NEK4: variants seen among roughly 807,000 people sequenced by gnomAD.
The protein encoded by NEK4 is serine/threonine-protein kinase Nek4.
In NEK4, 86 loss-of-function variants were observed where a neutral mutation model predicts 98.4. The ratio of observed to expected loss-of-function variants is 0.87; its 90% CI spans 0.73 to 1.05. The LOEUF (loss-of-function observed/expected upper bound fraction) is 1.05. NEK4 is among the 50% of genes least tolerant of loss of function. The probability of loss-of-function intolerance (pLI) is 0.00; values close to 1 mark genes in which losing one functional copy is unlikely to be tolerated. For missense variants in NEK4, 898 were observed against 950.3 expected (o/e 0.94, Z 0.72); for synonymous variants, 328 against 342.2 (o/e 0.96, Z 0.46).
chr3:52,730,702 T>C (rs1214587562), intron 15 of NEK4, among the ~76,000 whole-genome samples: 3 of 152,228 alleles, frequency 2.0e-5, no homozygotes, highest in Non-Finnish European at 4.4e-5. Context: ...GAAGACTTTA[T>C]GCAGGATTGG....
Position 52,711,703 on chromosome 3 carries a change from G to C in NEK4, c.*74C>G. Reference sequence around the variant, plus strand: ...AGTGGTGAGTGGCTTCCAAATGACTGTTTGCCCTTGCTTTTTAAGCCAAAA... The same window carrying C: ...AGTGGTGAGTGGCTTCCAAATGACTCTTTGCCCTTGCTTTTTAAGCCAAAA... On this transcript the variant is annotated 3_prime_UTR_variant, in exon 16 of 16. Coordinates refer to ENST00000233027, the MANE Select transcript of NEK4 (RefSeq NM_003157.6). The C allele has an allele frequency of 2.3e-6, 2 of 875,890 alleles. No individual in the cohort carries two copies. The highest frequency in any genetic ancestry group is 1.9e-6 in the Non-Finnish European group (1 of 519,230). The allele number at this position is 875,890 out of a possible 1,614,324, so 54.3% of individuals were successfully genotyped here.
chr3:52,738,461 G>C (rs1405201105), intron 14 of NEK4, among the ~76,000 whole-genome samples: 1 of 110,560 alleles, frequency 9.0e-6, no homozygotes, highest in Non-Finnish European at 2.0e-5. Context: ...CATTTCATCT[G>C]ATTTTTTGAG....
At chr3:52,718,247 T>C (rs1578618175) in intron 15 of NEK4, among the ~76,000 whole-genome samples, 1 of 151,598 alleles carries the variant, frequency 6.6e-6, no homozygotes, top group Admixed American at 6.6e-5. Context: ...CCGAGGCAGG[T>C]TGATCACCTA....
intron 1 of NEK4, among the ~76,000 whole-genome samples, chr3:52,769,385 T>C (rs765762302): frequency 1.3e-5 from 2 of 152,222 alleles, no homozygotes; most frequent in Non-Finnish European, 2.9e-5. Context: ...TCACTGATCT[T>C]CAGCATACAA....
chr3:52,746,005 G>A lies in NEK4; in HGVS notation c.1827+56C>T, dbSNP rs1036299020. 2.4e-5 allele frequency: 36 copies of A among 1,529,374 alleles called. No homozygotes were observed. The Admixed American group carries it at 4.7e-4, about 20-fold the overall frequency. The allele number at this position is 1,529,374 out of a possible 1,614,324, so 94.7% of individuals were successfully genotyped here. A position where few individuals can be genotyped will look rare whatever the true frequency, so the allele number is the denominator to read the frequency against. ...CCCAAAGTGCTGGGATTACATGCAT[G>A]ATACACCACGTCTGGTTATAAGGTT... is the stretch of plus-strand genomic sequence containing the variant. On this transcript the variant is annotated intron_variant, in intron 10 of 15. Transcript: ENST00000233027.
intron 7 of NEK4, 109 bp from the exon 8 acceptor site, chr3:52,749,938 T>C (rs2097402371): frequency 1.3e-5 from 2 of 153,314 alleles, no homozygotes; most frequent in South Asian, 2.0e-4. Flanking sequence ...TTCAAAACAA[T>C]GAACAGTAAC....
chr3:52,762,998 A>T (rs948786176), intron 5 of NEK4, among the ~76,000 whole-genome samples: 3 of 152,230 alleles, frequency 2.0e-5, no homozygotes, highest in Admixed American at 6.5e-5. Context: ...TACCAGAAGG[A>T]AAGTAACATT....
chr3:52,718,373 T>C (rs970526142), intron 15 of NEK4, among the ~76,000 whole-genome samples: 14 of 146,790 alleles, frequency 9.5e-5, no homozygotes, highest in African/African-American at 3.6e-4. Flanking sequence ...CTCGGTAGGA[T>C]GAGGCAGGAG....
intron 6 of NEK4, among the ~76,000 whole-genome samples, chr3:52,755,497 T>A (rs1208360578): frequency 6.6e-6 from 1 of 151,682 alleles, no homozygotes; most frequent in Non-Finnish European, 1.5e-5. Flanking sequence ...CTTTTCATGA[T>A]TAAAAAAAAA....
At chr3:52,733,434 G>A (rs2097371857) in intron 15 of NEK4, 3 of 387,826 alleles carry the variant, frequency 7.7e-6, no homozygotes, top group South Asian at 6.6e-5. Flanking sequence ...ATCCATTCTG[G>A]AGAAAAACCT....
At chr3:52,731,939 T>C (rs533273880) in intron 15 of NEK4, among the ~76,000 whole-genome samples, 5 of 152,360 alleles carry the variant, frequency 3.3e-5, no homozygotes, top group Non-Finnish European at 5.9e-5. Context: ...TCACGAGATC[T>C]GACGGTTTTA....
At chr3:52,736,588 A>T (rs1018117877) in intron 15 of NEK4, among the ~76,000 whole-genome samples, 1 of 135,250 alleles carries the variant, frequency 7.4e-6, no homozygotes, top group African/African-American at 2.6e-5. Flanking sequence ...TCCGTCTCAT[A>T]AAAAAAAAAA....
intron 7 of NEK4, among the ~76,000 whole-genome samples, 157 bp from the exon 8 acceptor site, chr3:52,749,986 T>C (rs2097402438): frequency 6.6e-6 from 1 of 152,230 alleles, no homozygotes; most frequent in Admixed American, 6.5e-5. Context: ...GGAACCCTCA[T>C]ATATTGCTGG....
intron 6 of NEK4, chr3:52,753,707 A>C (rs1465186769): frequency 5.2e-6 from 3 of 574,336 alleles, no homozygotes; most frequent in African/African-American, 1.9e-5. Flanking sequence ...AGCACAGTCA[A>C]CAAATGGCAT....
chr3:52,763,488 A>G lies in NEK4; in HGVS notation c.803T>C (p.Phe268Ser), dbSNP rs748487681. The G allele has an allele frequency of 2.0e-5, 32 of 1,611,588 alleles. No individual in the cohort carries two copies. The highest frequency in any genetic ancestry group is 2.6e-5 in the Non-Finnish European group (31 of 1,178,222). Residue 268 changes from phenylalanine (F) to serine (S), a missense_variant, in exon 5 of 16, where the codon TTT becomes TCT. Phe to Ser is a radical substitution (Grantham distance 155). Coordinates refer to ENST00000233027, the MANE Select transcript of NEK4 (RefSeq NM_003157.6). ...ATCTTACATCTTTGTGGCCTCCAAA[A>G]AGAAGGAGATTTGCCGCTTTATATA... is the stretch of plus-strand genomic sequence containing the variant. ...QPYIKRQISF[F>S]LEATKIKTSK...
chr3:52,715,548 A>T (rs2097354371), intron 15 of NEK4, among the ~76,000 whole-genome samples: 1 of 152,284 alleles, frequency 6.6e-6, no homozygotes, highest in Non-Finnish European at 1.5e-5. Flanking sequence ...CATCAGGCCC[A>T]GCTAATTTTT....
intron 15 of NEK4, chr3:52,734,852 G>T: frequency 3.4e-6 from 1 of 295,540 alleles, no homozygotes; most frequent in South Asian, 3.4e-5. Flanking sequence ...ACCAGAGATG[G>T]ATATCAAGAG....
rs1041839678 is a variant in NEK4, at chr3:52,770,923, C to T, written c.-177G>A. 1.1e-5 allele frequency: 7 copies of T among 611,092 alleles called. No homozygotes were observed. Among genetic ancestry groups the T allele is most frequent in the Admixed American group, 2.9e-5 (1 of 34,634 alleles). 37.9% of individuals were successfully genotyped at this position (611,092 alleles called of 1,614,324 possible). ...CGACGACGCCGCTGCCATAGCGATC[C>T]GGGCCGGGAGCAGTTCTGCGCATGC... On this transcript the variant is annotated 5_prime_UTR_variant, in exon 1 of 16. Transcript: ENST00000233027.
chr3:52,741,236 CAAA>C (rs35123782), intron 13 of NEK4, among the ~76,000 whole-genome samples, 172 bp downstream of exon 13: 1 of 59,624 alleles, frequency 1.7e-5, no homozygotes, highest in East Asian at 5.6e-4. Flanking sequence ...AACTCCGTCT[CAAA>C]AAAAAAAAAA....
Sources: gnomAD v4.1 joint callset for allele counts (sites outside exome capture counted in the v4.1 genomes callset) on GRCh38, gnomAD v4.1.1 for gene constraint, MANE v1.5 for transcripts, NCBI Gene and HGNC (gene_info 2026-07-23, HGNC 2026-07-21) for gene names.